Variants in WDR17 observed in about 807,000 individuals in gnomAD.
WDR17 encodes the protein WD repeat domain 17.
WDR17 carries 143 observed loss-of-function variants against 161.7 expected under a neutral mutation model. The observed-to-expected ratio is 0.88, with a 90% CI of 0.77 to 1.02. WDR17 has a LOEUF of 1.02. WDR17 is among the 50% of genes least tolerant of loss of function. WDR17 has a pLI of 0.00. For missense variants in WDR17, 1,469 were observed against 1,520.9 expected, an observed-to-expected ratio of 0.97 and a Z score of 0.57; for synonymous variants, 517 against 515.6, an observed-to-expected ratio of 1.00 and a Z score of -0.04.
chr4:176,096,730 T>C, intron 1 of WDR17: 2 of 556,032 alleles, frequency 3.6e-6, no homozygotes, highest in Non-Finnish European at 5.9e-6. Flanking sequence ...TATTTGCTAG[T>C]TTTAAAGCAA....
intron 22 of WDR17, among the ~76,000 whole-genome samples, chr4:176,166,600 A>G (rs1448062128): frequency 6.6e-6 from 1 of 152,184 alleles, no homozygotes; most frequent in African/African-American, 2.4e-5. Context: ...TGAAGATGTA[A>G]TTCTACATTA....
intron 4 of WDR17, among the ~76,000 whole-genome samples, chr4:176,124,892 G>A (rs1171752539): frequency 6.6e-6 from 1 of 152,124 alleles, no homozygotes; most frequent in Non-Finnish European, 1.5e-5. Context: ...ACTGGAAATT[G>A]CCAAAACAGA....
At chr4:176,144,091 A>G (rs1034973436) in intron 11 of WDR17, among the ~76,000 whole-genome samples, 2 of 152,054 alleles carry the variant, frequency 1.3e-5, no homozygotes, top group African/African-American at 2.4e-5. Flanking sequence ...TTTCACCCCA[A>G]GGTTCACTTA....
intron 17 of WDR17, among the ~76,000 whole-genome samples, chr4:176,153,339 G>A (rs541148999): frequency 1.3e-5 from 2 of 152,070 alleles, no homozygotes; most frequent in African/African-American, 4.8e-5. Flanking sequence ...GATAAAGGAT[G>A]ATGATTGTTT....
chr4:176,123,247 ACT>A (rs1741887877), intron 4 of WDR17, among the ~76,000 whole-genome samples: 1 of 152,140 alleles, frequency 6.6e-6, no homozygotes, highest in Non-Finnish European at 1.5e-5. Context: ...GAAAAAACAG[ACT>A]CAGTTTCTCC....
chr4:176,172,334 T>C (rs765556978), intron 23 of WDR17, 41 bp from the exon 24 acceptor site: 2 of 1,577,740 alleles, frequency 1.3e-6, no homozygotes, highest in African/African-American at 2.7e-5. Context: ...TTTATCCGTT[T>C]GAATTTTAGT....
At chr4:176,130,699 CAT>C (rs1561147900) in intron 6 of WDR17, among the ~76,000 whole-genome samples, 9 of 144,686 alleles carry the variant, frequency 6.2e-5, no homozygotes, top group South Asian at 4.4e-4. Context: ...GAGCCGAGAT[CAT>C]GCCACAGCAC....
intron 22 of WDR17, 151 bp from the exon 23 acceptor site, chr4:176,168,521 A>G: frequency 1.3e-6 from 1 of 781,952 alleles, no homozygotes; most frequent in South Asian, 2.3e-5. Context: ...CATTTACAGT[A>G]GTTTCATAAT....
intron 1 of WDR17, among the ~76,000 whole-genome samples, chr4:176,098,740 GTAA>G (rs999739268): frequency 4.0e-5 from 6 of 151,862 alleles, no homozygotes; most frequent in Admixed American, 2.6e-4. Flanking sequence ...GATTTTAAAT[GTAA>G]TAATATATAT....
intron 1 of WDR17, among the ~76,000 whole-genome samples, chr4:176,073,790 T>C (rs1359056939): frequency 1.3e-5 from 2 of 152,052 alleles, no homozygotes; most frequent in East Asian, 3.9e-4. Flanking sequence ...TTTTAATGAT[T>C]GTCATTCTAA....
intron 17 of WDR17, 118 bp from the exon 18 acceptor site, chr4:176,155,961 A>G: frequency 2.2e-6 from 2 of 906,948 alleles, no homozygotes; most frequent in South Asian, 1.7e-5. Context: ...ATCAGGACTC[A>G]AGAACTCAAA....
intron 4 of WDR17, among the ~76,000 whole-genome samples, chr4:176,121,026 A>C (rs1032175525): frequency 6.6e-6 from 1 of 152,190 alleles, no homozygotes; most frequent in African/African-American, 2.4e-5. Context: ...TACCTTTCAA[A>C]GAAAGATAAA....
At chr4:176,169,056 G>A (rs1342466622) in intron 23 of WDR17, among the ~76,000 whole-genome samples, 1 of 152,146 alleles carries the variant, frequency 6.6e-6, no homozygotes, top group Admixed American at 6.5e-5. Flanking sequence ...ACTCAGAGAA[G>A]GTAAGGAATT....
Position 176,163,193 on chromosome 4 carries a change from T to C in WDR17, c.2890T>C (p.Leu964=). The change falls in exon 22 of 29, where the codon TTG becomes CTG. Residue 964 remains leucine, a synonymous_variant. Transcript: ENST00000508596. The stretch of plus-strand genomic sequence containing the variant: ...CCTGATTCGCGGAAATGAACTGGAG[T>C]TGGCAGTCTGTGTGGGCACAGTACT... ...AYLIRGNELE[L]AVCVGTVLGE... 6.2e-7 allele frequency: 1 copy of C among 1,613,992 alleles called. No individual in the cohort carries two copies. The highest frequency in any genetic ancestry group is 1.1e-5 in the South Asian group (1 of 91,076).
chr4:176,150,003 A>C, intron 14 of WDR17, 40 bp from the exon 15 acceptor site: 1 of 1,610,640 alleles, frequency 6.2e-7, no homozygotes, highest in South Asian at 1.1e-5. Context: ...AATAAGTTTT[A>C]TGAGAAATCT....
intron 1 of WDR17, among the ~76,000 whole-genome samples, chr4:176,078,439 G>A (rs551969482): frequency 6.6e-6 from 1 of 152,040 alleles, no homozygotes; most frequent in Non-Finnish European, 1.5e-5. Flanking sequence ...GAATGGAGGT[G>A]GTGGGGAGGC....
intron 17 of WDR17, among the ~76,000 whole-genome samples, chr4:176,155,504 A>G (rs932632023): frequency 6.9e-6 from 1 of 144,736 alleles, no homozygotes; most frequent in Non-Finnish European, 1.5e-5. Context: ...AACCATGTCA[A>G]TACAATCTTT....
chr4:176,072,699 A>G (rs767906912), intron 1 of WDR17, among the ~76,000 whole-genome samples: 1 of 152,136 alleles, frequency 6.6e-6, no homozygotes, highest in Non-Finnish European at 1.5e-5. Context: ...GAGAAGACAT[A>G]TTTTTTGCAT....
chr4:176,159,975 A>G lies in WDR17; in HGVS notation c.2526-19A>G. The stretch of plus-strand genomic sequence containing the variant: ...TTCAAAATAATATATTGTTTAAAAA[A>G]CTGTCCTTATTTTATTAGGAGAGCT... On this transcript the variant is annotated intron_variant, in intron 18 of 28. Transcript: ENST00000508596. 1 of 1,565,426 alleles carries G rather than the reference A, an allele frequency of 6.4e-7. No individual in the cohort carries two copies. Among genetic ancestry groups the G allele is most frequent in the Non-Finnish European group, 8.7e-7 (1 of 1,151,078 alleles).
Sources: gnomAD v4.1 joint callset for allele counts (sites outside exome capture counted in the v4.1 genomes callset) on GRCh38, gnomAD v4.1.1 for gene constraint, MANE v1.5 for transcripts, NCBI Gene and HGNC (gene_info 2026-07-23, HGNC 2026-07-21) for gene names.